The following OCA2 variants were observed in gnomAD, a reference collection of about 807,000 sequenced individuals.
OCA2 encodes OCA2 melanosomal transmembrane protein.
OCA2 carries 77 observed loss-of-function variants against 100.2 expected under a neutral mutation model. That is an observed-to-expected ratio of 0.77 (90% CI 0.64 to 0.93). OCA2 has a LOEUF of 0.93. Ranked by LOEUF, OCA2 falls within the 40% of genes least tolerant of loss-of-function variation. The pLI, the probability that OCA2 is intolerant of heterozygous loss-of-function variation, is 0.00. For missense variants in OCA2, 1,062 were observed against 1,089.1 expected (o/e 0.98, Z 0.35); for synonymous variants, 432 against 439.2 (o/e 0.98, Z 0.21).
chr15:28,060,354 A>G (rs16950846), intron 2 of OCA2, among the ~76,000 whole-genome samples: 5,197 of 152,328 alleles, frequency 0.034, 312 homozygotes, highest in African/African-American at 0.12. Flanking sequence ...CCTTGCTGCT[A>G]TGAATTTTAT....
chr15:27,855,868 G>C (rs1350898871), intron 21 of OCA2, among the ~76,000 whole-genome samples: 1 of 152,210 alleles, frequency 6.6e-6, no homozygotes, highest in African/African-American at 2.4e-5. Context: ...CTGCCTAAAG[G>C]ATGACTGAAC....
chr15:27,869,006 G>A (rs1188416170), intron 21 of OCA2, among the ~76,000 whole-genome samples: 1 of 152,226 alleles, frequency 6.6e-6, no homozygotes, highest in Non-Finnish European at 1.5e-5. Context: ...AGGGCCACAT[G>A]TCCCCTTCCC....
chr15:28,057,332 T>G (rs1017362558), intron 2 of OCA2, among the ~76,000 whole-genome samples: 2 of 151,972 alleles, frequency 1.3e-5, no homozygotes, highest in African/African-American at 4.8e-5. Context: ...CTCATGGAAA[T>G]CAACTCTATG....
In OCA2 at chr15:27,919,321, C is replaced by A. The variant is rs993504284; in HGVS notation, c.2079+6806G>T. On this transcript the variant is annotated intron_variant, in intron 19 of 23. Coordinates refer to ENST00000354638, the MANE Select transcript of OCA2 (RefSeq NM_000275.3). ...GTCCACACAAAAAGTTGCACATAGA[C>A]GTTCGTAGCAGCTTTATTTAAAATT... is the stretch of plus-strand genomic sequence containing the variant. Among the ~76,000 whole-genome samples the A allele has an allele frequency of 3.3e-5, 5 of 152,190 alleles. No homozygotes were observed. In the East Asian group the frequency reaches 9.7e-4, roughly 29 times the overall value.
the OCA2 span, among the ~76,000 whole-genome samples, chr15:27,726,749 TAATAA>T: frequency 9.2e-5 from 14 of 152,236 alleles, no homozygotes; most frequent in Non-Finnish European, 1.8e-4. Flanking sequence ...ACTTAAAGTA[TAATAA>T]AATAAAATAA....
At chr15:27,744,629 G>C in the OCA2 span, among the ~76,000 whole-genome samples, 16 of 152,148 alleles carry the variant, frequency 1.1e-4, no homozygotes, top group Non-Finnish European at 1.5e-4. Flanking sequence ...GGATTACCCG[G>C]GCCCCATGTA....
At chr15:27,902,771 T>C (rs2038004958) in intron 19 of OCA2, among the ~76,000 whole-genome samples, 1 of 152,182 alleles carries the variant, frequency 6.6e-6, no homozygotes, top group African/African-American at 2.4e-5. Context: ...CACAGGGAGA[T>C]GCACCATACG....
chr15:27,818,351 C>G (rs1199687884), intron 23 of OCA2, among the ~76,000 whole-genome samples: 1 of 152,062 alleles, frequency 6.6e-6, no homozygotes, highest in African/African-American at 2.4e-5. Flanking sequence ...ATCACACCAC[C>G]GCACTCCAGC....
chr15:27,783,316 T>G (rs79100528), intron 23 of OCA2, among the ~76,000 whole-genome samples: 201 of 152,338 alleles, frequency 1.3e-3, no homozygotes, highest in African/African-American at 4.5e-3. Context: ...CTCCACACCT[T>G]ACACTTTGAT....
chr15:27,748,113 C>G, the OCA2 span, among the ~76,000 whole-genome samples: 1 of 152,168 alleles, frequency 6.6e-6, no homozygotes, highest in African/African-American at 2.4e-5. Flanking sequence ...CCAACAATAC[C>G]AGGTCAGCCC....
intron 23 of OCA2, among the ~76,000 whole-genome samples, chr15:27,819,887 C>T (rs4778184): frequency 0.5 from 75,758 of 151,588 alleles, 19,556 homozygotes; most frequent in South Asian, 0.76. Context: ...CTTGGAGAAA[C>T]GTTGTATTCT....
At chr15:27,798,646 A>T (rs2151162487) in intron 23 of OCA2, among the ~76,000 whole-genome samples, 1 of 152,308 alleles carries the variant, frequency 6.6e-6, no homozygotes, top group Non-Finnish European at 1.5e-5. Context: ...AATTTGAAAA[A>T]AAAAAAACTT....
rs1164869427 is a variant in OCA2 at position 27,983,326 on chromosome 15, C to A, written c.1503+19G>T. 2 of 1,614,000 alleles carry A rather than the reference C, an allele frequency of 1.2e-6. No homozygotes were observed. Among genetic ancestry groups the A allele is most frequent in the Non-Finnish European group, 1.7e-6 (2 of 1,179,954 alleles). ...AGGTGTGCGTTTACTGGAAGCAACC[C>A]TAGCATGCTGGTACGTACCATCTTC... On this transcript the variant is annotated intron_variant, in intron 14 of 23. Transcript: ENST00000354638.
At position 28,096,620 on chromosome 15, in the gene OCA2, G is replaced by A. The variant is rs528353514; in HGVS notation, c.-22+2604C>T. ...CCCCACCCCACTTCGGGCCTGGACC[G>A]AGACCGCGAGTGTGACCGTATATCC... On this transcript the variant is annotated intron_variant, in intron 1 of 23. Coordinates refer to ENST00000354638, the MANE Select transcript of OCA2 (RefSeq NM_000275.3). Among the ~76,000 whole-genome samples the A allele has an allele frequency of 4.6e-5, 7 of 152,314 alleles. No homozygotes were observed. In the South Asian group the frequency reaches 1.5e-3, roughly 32 times the overall value.
chr15:27,960,387 A>C (rs1156727792), intron 15 of OCA2, among the ~76,000 whole-genome samples: 2 of 152,210 alleles, frequency 1.3e-5, no homozygotes, highest in Admixed American at 6.5e-5. Context: ...ATAAATAAAC[A>C]TACGCTAGGG....
chr15:27,854,258 A>G (rs2035870219), intron 21 of OCA2, among the ~76,000 whole-genome samples: 1 of 152,204 alleles, frequency 6.6e-6, no homozygotes, highest in Non-Finnish European at 1.5e-5. Flanking sequence ...GGGAGTCCCC[A>G]TGGGGAGGAC....
intron 23 of OCA2, among the ~76,000 whole-genome samples, chr15:27,757,721 T>G (rs2030498532): frequency 6.6e-6 from 1 of 152,212 alleles, no homozygotes; most frequent in Non-Finnish European, 1.5e-5. Flanking sequence ...ATGAGTTCAC[T>G]CTTATAAATC....
chr15:28,056,215 T>G (rs988698935), intron 2 of OCA2, among the ~76,000 whole-genome samples: 7 of 152,178 alleles, frequency 4.6e-5, no homozygotes, highest in African/African-American at 1.7e-4. Flanking sequence ...GTGCTTCCCA[T>G]GTAGAAACAG....
intron 17 of OCA2, among the ~76,000 whole-genome samples, chr15:27,954,882 C>T (rs2040166463): frequency 6.6e-6 from 1 of 152,182 alleles, no homozygotes; most frequent in African/African-American, 2.4e-5. Context: ...GGCTGGTGGT[C>T]AGGGACACCC....
Sources: gnomAD v4.1 joint callset for allele counts (sites outside exome capture counted in the v4.1 genomes callset) on GRCh38, gnomAD v4.1.1 for gene constraint, MANE v1.5 for transcripts, NCBI Gene and HGNC (gene_info 2026-07-23, HGNC 2026-07-21) for gene names.